The following GALNT14 variants were observed in gnomAD, a reference collection of about 807,000 sequenced individuals.
GALNT14 encodes the protein polypeptide N-acetylgalactosaminyltransferase 14.
GALNT14 carries 60 observed loss-of-function variants against 77.5 expected under a neutral mutation model. That is an observed-to-expected ratio of 0.77 (90% CI 0.63 to 0.96). The LOEUF (loss-of-function observed/expected upper bound fraction) is 0.96. Among genes scored for constraint, GALNT14 ranks in the 40% least tolerant of loss-of-function variants. The probability of loss-of-function intolerance (pLI) is 0.00; values close to 1 mark genes in which losing one functional copy is unlikely to be tolerated. For synonymous variants in GALNT14, 280 were observed against 281.7 expected (o/e 0.99, Z 0.06); for missense variants, 710 against 731.0 (o/e 0.97, Z 0.33).
intron 1 of GALNT14, among the ~76,000 whole-genome samples, chr2:31,046,281 C>T (rs932170222): frequency 8.2e-5 from 12 of 147,022 alleles, no homozygotes; most frequent in African/African-American, 2.8e-4. Context: ...GGCTGGAGTG[C>T]AGCGGCACAA....
intron 13 of GALNT14, among the ~76,000 whole-genome samples, chr2:30,917,775 G>T (rs577040798): frequency 6.6e-6 from 1 of 152,244 alleles, no homozygotes; most frequent in Non-Finnish European, 1.5e-5. Context: ...CAGACCCCAG[G>T]GTTGATTCTG....
intron 3 of GALNT14, among the ~76,000 whole-genome samples, chr2:30,963,273 G>A (rs115496312): frequency 0.011 from 1,658 of 152,264 alleles, 33 homozygotes; most frequent in African/African-American, 0.038. Context: ...CAGAGGAGCC[G>A]CGCTGTACCT....
chr2:30,928,869 C>A (rs926726536), intron 11 of GALNT14, among the ~76,000 whole-genome samples: 1 of 152,184 alleles, frequency 6.6e-6, no homozygotes, highest in African/African-American at 2.4e-5. Context: ...CCCACCTCGG[C>A]CTCCCAAAGT....
chr2:30,932,281 C>G, intron 9 of GALNT14, 87 bp from the exon 10 acceptor site: 1 of 1,278,750 alleles, frequency 7.8e-7, no homozygotes, highest in Non-Finnish European at 1.0e-6. Context: ...GGTGAGGCCC[C>G]CGCAGAGGCG....
At chr2:31,008,821 C>G (rs887172006) in intron 1 of GALNT14, among the ~76,000 whole-genome samples, 1 of 152,210 alleles carries the variant, frequency 6.6e-6, no homozygotes, top group African/African-American at 2.4e-5. Flanking sequence ...GTCGACACCG[C>G]TCCGGGAGGA....
chr2:31,098,218 T>C (rs915533151), intron 1 of GALNT14, among the ~76,000 whole-genome samples: 4 of 152,134 alleles, frequency 2.6e-5, no homozygotes, highest in African/African-American at 9.7e-5. Context: ...CTAATAAAGG[T>C]TAGTGATTCA....
At chr2:30,924,405 G>T (rs1286513468) in intron 12 of GALNT14, 142 bp from the exon 13 acceptor site, 1 of 849,038 alleles carries the variant, frequency 1.2e-6, no homozygotes, top group Non-Finnish European at 1.8e-6. Context: ...GAAGGGCAGG[G>T]TGCCACTAAG....
At chr2:31,078,199 C>T (rs1440119592) in intron 1 of GALNT14, among the ~76,000 whole-genome samples, 2 of 152,136 alleles carry the variant, frequency 1.3e-5, no homozygotes, top group African/African-American at 4.8e-5. Context: ...TCAATAGGGA[C>T]AACAGCTGAA....
chr2:31,067,148 C>T (rs935354521), intron 1 of GALNT14, among the ~76,000 whole-genome samples: 2 of 152,192 alleles, frequency 1.3e-5, no homozygotes, highest in African/African-American at 4.8e-5. Flanking sequence ...TCCCCATCAC[C>T]CAGCCTCCCT....
chr2:31,043,989 C>T (rs936669068), intron 1 of GALNT14, among the ~76,000 whole-genome samples: 2 of 152,168 alleles, frequency 1.3e-5, no homozygotes, highest in African/African-American at 4.8e-5. Context: ...AGGCCCCGCC[C>T]TCTGTGCTGT....
At chr2:30,935,514 G>A (rs933739710) in intron 9 of GALNT14, among the ~76,000 whole-genome samples, 1 of 152,180 alleles carries the variant, frequency 6.6e-6, no homozygotes, top group Non-Finnish European at 1.5e-5. Flanking sequence ...TCTCTACTCT[G>A]GAGTTCAGAT....
chr2:30,989,581 T>TATATATATATAAAA (rs1384068782), intron 2 of GALNT14, among the ~76,000 whole-genome samples: 1 of 108,180 alleles, frequency 9.2e-6, no homozygotes, highest in African/African-American at 4.8e-5. Context: ...TATATATATA[T>TATATATATATAAAA]AAAAATATAT....
At chr2:30,992,814 CAG>C in intron 2 of GALNT14, 22 bp downstream of exon 2, 5 of 1,608,984 alleles carry the variant, frequency 3.1e-6, no homozygotes, top group Non-Finnish European at 3.4e-6. Flanking sequence ...GCGGGGGTAA[CAG>C]AGTGGGAGAA....
chr2:30,992,804 G>A, intron 2 of GALNT14, 34 bp downstream of exon 2: 1 of 1,605,078 alleles, frequency 6.2e-7, no homozygotes, highest in Non-Finnish European at 8.5e-7. Flanking sequence ...TCTTTTGACT[G>A]CGGGGGTAAC....
At chr2:30,924,650 A>G (rs1219394371) in intron 12 of GALNT14, 90 bp downstream of exon 12, 42 of 1,045,964 alleles carry the variant, frequency 4.0e-5, no homozygotes, top group Non-Finnish European at 6.0e-5. Context: ...GCCCTCATCC[A>G]GTTGGTCATT....
chr2:30,999,968 G>T (rs1670264492), intron 1 of GALNT14, among the ~76,000 whole-genome samples: 1 of 152,170 alleles, frequency 6.6e-6, no homozygotes, highest in Non-Finnish European at 1.5e-5. Flanking sequence ...ATTCTCACCG[G>T]TTGGAGCCAC....
intron 9 of GALNT14, among the ~76,000 whole-genome samples, chr2:30,936,136 C>T (rs545021996): frequency 5.3e-5 from 8 of 152,100 alleles, no homozygotes; most frequent in Non-Finnish European, 1.5e-5. Context: ...TTTCTTTAAA[C>T]GTCAGGTAAA....
intron 13 of GALNT14, among the ~76,000 whole-genome samples, chr2:30,921,906 G>C (rs1665055644): frequency 1.3e-5 from 2 of 152,208 alleles, no homozygotes; most frequent in Admixed American, 1.3e-4. Flanking sequence ...ACACAGGGGA[G>C]CCCCTACAAC....
Position 31,072,286 on chromosome 2 carries a change from CACACACACACACACACAT to C in GALNT14, c.129+65654_129+65671del, listed in dbSNP as rs70962299. ...TCTCACACACACACACACACATACA[CACACACACACACACACAT>C]ACACACACACACACACACGCATGCG... On this transcript the variant is annotated intron_variant, in intron 1 of 14. Coordinates refer to ENST00000349752, the MANE Select transcript of GALNT14 (RefSeq NM_024572.4). Among the ~76,000 whole-genome samples the C allele has an allele frequency of 4.8e-3, 537 of 112,558 alleles. 4 individuals carry two copies. The highest frequency in any genetic ancestry group is 0.032 in the East Asian group (94 of 2,970). The allele number at this position is 112,558 out of a possible 152,430, so 73.8% of individuals were successfully genotyped here. A position where few individuals can be genotyped will look rare whatever the true frequency, so the allele number is the denominator to read the frequency against.
Sources: gnomAD v4.1 joint callset for allele counts (sites outside exome capture counted in the v4.1 genomes callset) on GRCh38, gnomAD v4.1.1 for gene constraint, MANE v1.5 for transcripts, NCBI Gene and HGNC (gene_info 2026-07-23, HGNC 2026-07-21) for gene names.